Variants in NEXMIF observed in about 807,000 individuals in gnomAD.
NEXMIF encodes XLMR protein related to neurite extension.
A neutral mutation model predicts 62.1 loss-of-function variants in NEXMIF; 8 were observed. The ratio of observed to expected loss-of-function variants is 0.13; its 90% confidence interval spans 0.08 to 0.23. The LOEUF (loss-of-function observed/expected upper bound fraction) is 0.23, where lower values mean the gene tolerates loss of function less well. Ranked by LOEUF, NEXMIF falls within the 10% of genes least tolerant of loss-of-function variation. The probability of loss-of-function intolerance (pLI) is 1.00; values close to 1 mark genes in which losing one functional copy is unlikely to be tolerated. For synonymous variants in NEXMIF, 404 were observed against 416.6 expected (o/e 0.97, Z 0.37); for missense variants, 976 against 1,113.3 (o/e 0.88, Z 1.75).
rs567960773 is a variant in NEXMIF, at chrX:74,828,989, T to C, written c.-47-83292A>G. ...TTGCACAGTTATCTAGAAAAGGCGATACATAATAGGTCTAAGCAGGACAAA... is the reference window on the plus strand; with the variant it reads ...TTGCACAGTTATCTAGAAAAGGCGACACATAATAGGTCTAAGCAGGACAAA... On this transcript the variant is annotated intron_variant, in intron 1 of 3. Transcript: ENST00000055682. Among the ~76,000 whole-genome samples, 3 of 111,953 alleles carry C rather than the reference T, an allele frequency of 2.7e-5. No individual in the cohort carries two copies. The South Asian group carries it at 1.1e-3, about 42-fold the overall frequency.
Position 74,831,315 on chromosome X carries a change from G to A in NEXMIF, c.-47-85618C>T, listed in dbSNP as rs187337180. Reference sequence around the variant, plus strand: ...CCATTAACTCGTCATTTAGCATTACGTATATCTCCTAATGCTATCCCGCCC... The same window carrying A: ...CCATTAACTCGTCATTTAGCATTACATATATCTCCTAATGCTATCCCGCCC... On this transcript the variant is annotated intron_variant, in intron 1 of 3. Coordinates refer to ENST00000055682, the MANE Select transcript of NEXMIF (RefSeq NM_001008537.3). 6.3e-4 allele frequency among the ~76,000 whole-genome samples: 68 copies of A among 108,669 alleles called. 1 individual carries two copies. In the East Asian group the frequency reaches 0.015, roughly 24 times the overall value. The allele number at this position is 108,669 out of a possible 115,157, so 94.4% of individuals were successfully genotyped here. A position where few individuals can be genotyped will look rare whatever the true frequency, so the allele number is the denominator to read the frequency against.
intron 1 of NEXMIF, among the ~76,000 whole-genome samples, chrX:74,904,492 A>G (rs1035138825): frequency 1.8e-5 from 2 of 111,769 alleles, no homozygotes; most frequent in Admixed American, 1.9e-4. Context: ...AAAGATGTGC[A>G]TTATGACATT....
chrX:74,794,906 C>CT lies in NEXMIF; in HGVS notation c.-47-49210dup, dbSNP rs760734635. On this transcript the variant is annotated intron_variant, in intron 1 of 3. Coordinates refer to ENST00000055682, the MANE Select transcript of NEXMIF (RefSeq NM_001008537.3). Reference sequence around the variant, plus strand: ...CTCCCTAGTGAGATGAACCTGGTACCTCAGATGGAAATGCAGAAATCACCG... The same window carrying CT: ...CTCCCTAGTGAGATGAACCTGGTACCTTCAGATGGAAATGCAGAAATCACCG... 5.4e-5 allele frequency among the ~76,000 whole-genome samples: 6 copies of CT among 111,851 alleles called. No homozygotes were observed. The East Asian group carries it at 1.1e-3, about 21-fold the overall frequency.
chrX:74,853,419 G>C (rs1472990298), intron 1 of NEXMIF, among the ~76,000 whole-genome samples: 1 of 107,813 alleles, frequency 9.3e-6, no homozygotes, highest in Non-Finnish European at 1.9e-5. Context: ...TGTACACACG[G>C]TTTTACCTGG....
intron 1 of NEXMIF, among the ~76,000 whole-genome samples, chrX:74,882,757 G>T (rs1354236894): frequency 8.9e-6 from 1 of 112,357 alleles, no homozygotes; most frequent in East Asian, 2.8e-4. Flanking sequence ...AATAACCTCT[G>T]CAGACTTAAA....
intron 1 of NEXMIF, among the ~76,000 whole-genome samples, chrX:74,870,321 T>C (rs947339131): frequency 2.0e-4 from 22 of 110,780 alleles, no homozygotes; most frequent in African/African-American, 7.2e-4. Flanking sequence ...AAAAATCAAA[T>C]CAAAATAGAT....
At chrX:74,773,905 T>C (rs1336999558) in intron 1 of NEXMIF, among the ~76,000 whole-genome samples, 2 of 34,469 alleles carry the variant, frequency 5.8e-5, no homozygotes, top group Non-Finnish European at 8.7e-5. Flanking sequence ...TAAGACTCCG[T>C]CTCAAAAAAA....
At chrX:74,805,738 G>T (rs187183237) in intron 1 of NEXMIF, among the ~76,000 whole-genome samples, 57 of 111,909 alleles carry the variant, frequency 5.1e-4, no homozygotes, top group African/African-American at 1.8e-3. Context: ...TGAATAGGGA[G>T]TCTTTTCTCC....
chrX:74,764,651 T>C (rs1202036459), intron 1 of NEXMIF, among the ~76,000 whole-genome samples: 1 of 111,870 alleles, frequency 8.9e-6, no homozygotes, highest in Non-Finnish European at 1.9e-5. Context: ...TCAGAGCCTG[T>C]TCATTCTGCC....
chrX:74,741,267 C>A lies in NEXMIF; in HGVS notation c.3290G>T (p.Gly1097Val). ...ESMKTLGTLK[G>V]FQEGVPGPLD... The stretch of plus-strand genomic sequence containing the variant: ...TGGTCCTGGGACACCCTCTTGGAAC[C>A]CCTTTAGTGTTCCTAGTGTCTTCAT... Residue 1097 changes from glycine to valine, a missense_variant, in exon 3 of 4, where the codon GGG becomes GTG. Gly to Val is a moderately radical substitution (Grantham distance 109). This residue lies in a region of NEXMIF where 639 missense variants were observed against 694.5 expected (regional missense o/e 0.92). Transcript: ENST00000055682. 8.3e-7 allele frequency: 1 copy of A among 1,209,504 alleles called. No individual in the cohort carries two copies.
intron 1 of NEXMIF, among the ~76,000 whole-genome samples, chrX:74,778,801 C>G (rs2080236432): frequency 8.9e-6 from 1 of 111,829 alleles, no homozygotes; most frequent in African/African-American, 3.3e-5. Context: ...CAGGTGCATG[C>G]CACCACATCC....
At chrX:74,751,735 CCTCT>C (rs2147445491) in intron 1 of NEXMIF, among the ~76,000 whole-genome samples, 1 of 92,740 alleles carries the variant, frequency 1.1e-5, no homozygotes, top group Non-Finnish European at 2.2e-5. Flanking sequence ...TCCCTCCCTC[CCTCT>C]TTTCTTCCTT....
chrX:74,918,021 C>T lies in NEXMIF; in HGVS notation c.-48+6862G>A, dbSNP rs77743848. Among the ~76,000 whole-genome samples, 98 of 111,192 alleles carry T rather than the reference C, an allele frequency of 8.8e-4. 1 individual carries two copies. The highest frequency in any genetic ancestry group is 2.8e-3 in the East Asian group (10 of 3,552). On this transcript the variant is annotated intron_variant, in intron 1 of 3. Transcript: ENST00000055682. ...AAGGCTAATCAGAAAAATGCTTGTA[C>T]GGTAGCTGAGGGATGTGGCCCATAA...
chrX:74,920,301 T>C (rs2080822256), intron 1 of NEXMIF, among the ~76,000 whole-genome samples: 2 of 111,501 alleles, frequency 1.8e-5, no homozygotes, highest in African/African-American at 6.5e-5. Context: ...TTTCCTGACT[T>C]TTTAATGATT....
chrX:74,900,716 T>A (rs1369394693), intron 1 of NEXMIF, among the ~76,000 whole-genome samples: 1 of 111,594 alleles, frequency 9.0e-6, no homozygotes, highest in Non-Finnish European at 1.9e-5. Flanking sequence ...TGTACACCCA[T>A]TGTCATTCAC....
intron 1 of NEXMIF, among the ~76,000 whole-genome samples, chrX:74,858,800 T>A (rs1165827066): frequency 2.7e-5 from 3 of 109,867 alleles, no homozygotes; most frequent in Non-Finnish European, 5.7e-5. Context: ...CTCTATCAGA[T>A]AAGATTAACA....
intron 1 of NEXMIF, among the ~76,000 whole-genome samples, chrX:74,922,763 C>T (rs771565304): frequency 4.5e-5 from 5 of 111,058 alleles, no homozygotes; most frequent in African/African-American, 6.6e-5. Flanking sequence ...TTTACACTTA[C>T]GATTTACAAA....
intron 1 of NEXMIF, among the ~76,000 whole-genome samples, chrX:74,838,856 T>C (rs983251882): frequency 8.9e-6 from 1 of 111,996 alleles, no homozygotes; most frequent in Admixed American, 9.5e-5. Flanking sequence ...GAAAAATATA[T>C]AATGAAAACC....
Position 74,740,117 on chromosome X carries a change from AG to A in NEXMIF, c.4439del (p.Ala1480ValfsTer6), listed in dbSNP as rs2080096846. 2 of 1,207,555 alleles carry A rather than the reference AG, an allele frequency of 1.7e-6. No homozygotes were observed. Among genetic ancestry groups the A allele is most frequent in the African/African-American group, 3.5e-5 (2 of 56,785 alleles). ...EQVHKDESGT[A>X]SFEKLRDSDY... ...AGTATTACCTCAGTTTTTCAAAAGA[AG>A]CTGTCCCAGACTCATCCTTGTGGAC... is the stretch of plus-strand genomic sequence containing the variant. On this transcript the variant is annotated frameshift_variant, in exon 3 of 4. Coordinates refer to ENST00000055682, the MANE Select transcript of NEXMIF (RefSeq NM_001008537.3). LOFTEE classifies it high-confidence loss of function.
Sources: allele counts gnomAD v4.1 joint callset (sites outside exome capture counted in the v4.1 genomes callset), GRCh38; gene constraint gnomAD v4.1.1; regional missense constraint gnomAD v4.1.1; transcripts MANE v1.5; gene names NCBI Gene and HGNC (gene_info 2026-07-23, HGNC 2026-07-21).